ZNF385D: variants seen among roughly 807,000 people sequenced by gnomAD.
ZNF385D encodes zinc finger protein 385D, also known as zinc finger protein 659.
In ZNF385D, 15 loss-of-function variants were observed where a neutral mutation model predicts 35.8. That is an observed-to-expected ratio of 0.42 (90% CI 0.28 to 0.64). The LOEUF (loss-of-function observed/expected upper bound fraction) is 0.64, where lower values mean the gene tolerates loss of function less well. Among genes scored for constraint, ZNF385D ranks in the 30% least tolerant of loss-of-function variants. The probability of loss-of-function intolerance (pLI) is 0.23; values close to 1 mark genes in which losing one functional copy is unlikely to be tolerated. For synonymous variants in ZNF385D, 212 were observed against 186.8 expected, an observed-to-expected ratio of 1.13 and a Z score of -1.10; for missense variants, 474 against 494.6, an observed-to-expected ratio of 0.96 and a Z score of 0.39.
In ZNF385D at chr3:22,267,494, TCTG is replaced by T. The variant is rs1358858143; in HGVS notation, c.107-98462_107-98460del. Among the ~76,000 whole-genome samples, 9 of 152,030 alleles carry T rather than the reference TCTG, an allele frequency of 5.9e-5. No homozygotes were observed. In the East Asian group the frequency reaches 1.4e-3, roughly 23 times the overall value. On this transcript the variant is annotated intron_variant, in intron 2 of 5. Coordinates refer to the ZNF385D transcript ENST00000494108. ...TATTATTTTGAAACAGTTTGGGTAT[TCTG>T]CTTTCATAAATTATAGTGTCAGTGA... is the stretch of plus-strand genomic sequence containing the variant.
At chr3:22,123,954 CTCTCTCTCTATATATATA>C (rs1277040416) in intron 3 of ZNF385D, among the ~76,000 whole-genome samples, 178 of 93,740 alleles carry the variant, frequency 1.9e-3, no homozygotes, top group African/African-American at 6.3e-3. Context: ...CTCTCTCTCT[CTCTCTCTCTATATATATA>C]TATATATATA....
At position 21,443,082 on chromosome 3, in the gene ZNF385D, C is replaced by G. The variant is rs1367105483; in HGVS notation, c.440-5879G>C. On this transcript the variant is annotated intron_variant, in intron 4 of 7. Coordinates refer to ENST00000281523, the MANE Select transcript of ZNF385D (RefSeq NM_024697.3). The stretch of plus-strand genomic sequence containing the variant: ...ACTCCCGTCTGCTAGAGTGGTATAG[C>G]TGTAGAAAGTGCTTTAAACGGCCTA... The G allele has an allele frequency of 4.2e-6, 4 of 954,092 alleles. No homozygotes were observed. The Admixed American group carries it at 1.9e-4, about 44-fold the overall frequency. 59.1% of individuals were successfully genotyped at this position (954,092 alleles called of 1,614,324 possible).
chr3:21,837,773 G>A (rs2630793), intron 3 of ZNF385D, among the ~76,000 whole-genome samples: 59,177 of 151,376 alleles, frequency 0.39, 11,801 homozygotes, highest in Middle Eastern at 0.49. Flanking sequence ...TCAGGAGGCT[G>A]AGACAAGAGA....
At chr3:22,220,153 T>C (rs370755622) in intron 2 of ZNF385D, among the ~76,000 whole-genome samples, 1 of 151,622 alleles carries the variant, frequency 6.6e-6, no homozygotes, top group African/African-American at 2.4e-5. Context: ...AGCCTCAACC[T>C]CCTGGGATCA....
At chr3:22,031,548 C>T (rs556947144) in intron 3 of ZNF385D, among the ~76,000 whole-genome samples, 1 of 152,276 alleles carries the variant, frequency 6.6e-6, no homozygotes, top group East Asian at 1.9e-4. Flanking sequence ...GGCTGAGATG[C>T]AGGGCACCAA....
chr3:21,875,592 C>T (rs1228533766), intron 3 of ZNF385D, among the ~76,000 whole-genome samples: 1 of 152,046 alleles, frequency 6.6e-6, no homozygotes, highest in African/African-American at 2.4e-5. Flanking sequence ...TCTGATACTC[C>T]AGTGCAAAAT....
chr3:22,128,940 G>C (rs1308960696), intron 3 of ZNF385D, among the ~76,000 whole-genome samples: 1 of 152,084 alleles, frequency 6.6e-6, no homozygotes, highest in Non-Finnish European at 1.5e-5. Flanking sequence ...TTGCAGTCTA[G>C]GCTTGTCTAT....
intron 3 of ZNF385D, among the ~76,000 whole-genome samples, chr3:21,765,204 C>CTGTG (rs552075719): frequency 2.0e-4 from 30 of 150,444 alleles, no homozygotes; most frequent in African/African-American, 7.1e-4. Flanking sequence ...CACATAAAAT[C>CTGTG]TGTGTGTGTG....
intron 3 of ZNF385D, among the ~76,000 whole-genome samples, chr3:21,557,176 C>T (rs1473801659): frequency 6.6e-6 from 1 of 152,104 alleles, no homozygotes; most frequent in Non-Finnish European, 1.5e-5. Flanking sequence ...TTGCCTGATC[C>T]CCTGGCCAGA....
At position 21,996,359 on chromosome 3, in the gene ZNF385D, G is replaced by C. The variant is rs1695467319; in HGVS notation, c.325+172458C>G. Among the ~76,000 whole-genome samples, 3 of 152,228 alleles carry C rather than the reference G, an allele frequency of 2.0e-5. No individual in the cohort carries two copies. The South Asian group carries it at 6.2e-4, about 32-fold the overall frequency. On this transcript the variant is annotated intron_variant, in intron 3 of 5. Transcript: ENST00000494108. Reference sequence around the variant, plus strand: ...TCCTGGCTCCAAGTGACCGTGACCAGGATGGCTGCTTTATTTCCTTCATTT... The same window carrying C: ...TCCTGGCTCCAAGTGACCGTGACCACGATGGCTGCTTTATTTCCTTCATTT...
chr3:21,789,885 A>G (rs2071855748), intron 3 of ZNF385D, among the ~76,000 whole-genome samples: 1 of 152,200 alleles, frequency 6.6e-6, no homozygotes, highest in Non-Finnish European at 1.5e-5. Context: ...TCAACTTGTC[A>G]CTGTTGTCAG....
chr3:22,154,825 T>C (rs1466048293), intron 3 of ZNF385D, among the ~76,000 whole-genome samples: 1 of 152,182 alleles, frequency 6.6e-6, no homozygotes, highest in Admixed American at 6.5e-5. Context: ...AATTTTAAAA[T>C]CTTTTAACTA....
chr3:21,966,716 G>C (rs187165405), intron 3 of ZNF385D, among the ~76,000 whole-genome samples: 1 of 152,080 alleles, frequency 6.6e-6, no homozygotes, highest in Admixed American at 6.6e-5. Context: ...GGAATAGCTG[G>C]GATTACAGGC....
At chr3:21,876,615 T>A (rs1697986781) in intron 3 of ZNF385D, among the ~76,000 whole-genome samples, 1 of 151,962 alleles carries the variant, frequency 6.6e-6, no homozygotes, top group Non-Finnish European at 1.5e-5. Flanking sequence ...TGGGTAAATA[T>A]GAAGAACAGA....
intron 3 of ZNF385D, among the ~76,000 whole-genome samples, chr3:22,151,898 T>C (rs948282835): frequency 2.0e-5 from 3 of 152,126 alleles, no homozygotes; most frequent in Non-Finnish European, 2.9e-5. Context: ...GTGCAGGTTA[T>C]ATAGGTAAAC....
chr3:22,269,643 C>A (rs1030507409), intron 2 of ZNF385D, among the ~76,000 whole-genome samples: 2 of 151,716 alleles, frequency 1.3e-5, no homozygotes, highest in African/African-American at 4.8e-5. Context: ...AATTAAATGA[C>A]AAAGTAGGAA....
Position 21,437,209 on chromosome 3 carries a change from T to G in ZNF385D, c.440-6A>C. On this transcript the variant is annotated splice_polypyrimidine_tract_variant and splice_region_variant and intron_variant, in intron 4 of 7. Coordinates refer to ENST00000281523, the MANE Select transcript of ZNF385D (RefSeq NM_024697.3). ...TGGTGTCCCTGCAGTACCGTCTGTA[T>G]TCAAAATAACACAGAAAAAAGGGGG... 6.2e-7 allele frequency: 1 copy of G among 1,607,780 alleles called. No homozygotes were observed. The highest frequency in any genetic ancestry group is 8.5e-7 in the Non-Finnish European group (1 of 1,176,798).
intron 3 of ZNF385D, among the ~76,000 whole-genome samples, chr3:21,553,341 C>G (rs930396803): frequency 3.3e-5 from 5 of 152,126 alleles, no homozygotes; most frequent in African/African-American, 1.2e-4. Flanking sequence ...TTTTGCAATG[C>G]ATATAAAAGT....
rs530610439 is a variant in ZNF385D, at chr3:22,053,168, C to G, written c.325+115649G>C. ...TCAGCGAGATTCCGTGGGCGTAGGA[C>G]CCTCCGAGCCAGGTGTGGGATATAG... On this transcript the variant is annotated intron_variant, in intron 3 of 5. Coordinates refer to the ZNF385D transcript ENST00000494108. Among the ~76,000 whole-genome samples, 2 of 88,414 alleles carry G rather than the reference C, an allele frequency of 2.3e-5. 1 individual carries two copies. The highest frequency in any genetic ancestry group is 1.1e-3 in the East Asian group (2 of 1,888). 58.0% of individuals were successfully genotyped at this position (88,414 alleles called of 152,430 possible).
Sources: gnomAD v4.1 joint callset for allele counts (sites outside exome capture counted in the v4.1 genomes callset) on GRCh38, gnomAD v4.1.1 for gene constraint, MANE v1.5 for transcripts, NCBI Gene and HGNC (gene_info 2026-07-23, HGNC 2026-07-21) for gene names.